UNC13D: variants seen among roughly 807,000 people sequenced by gnomAD.
The protein encoded by UNC13D is protein unc-13 homolog D.
Under a neutral mutation model 151.7 loss-of-function variants are expected in UNC13D, and 115 were observed. That is an observed-to-expected ratio of 0.76 (90% CI 0.65 to 0.88). The LOEUF (loss-of-function observed/expected upper bound fraction) is 0.88. UNC13D is among the 40% of genes least tolerant of loss of function. UNC13D has a pLI of 0.00. For missense variants in UNC13D, 1,369 were observed against 1,438.7 expected (o/e 0.95, Z 0.78); for synonymous variants, 588 against 612.2 (o/e 0.96, Z 0.58).
Position 75,836,333 on chromosome 17 carries a change from C to G in UNC13D, c.1389+6G>C. On this transcript the variant is annotated splice_donor_region_variant and intron_variant, in intron 15 of 31. Coordinates refer to ENST00000207549, the MANE Select transcript of UNC13D (RefSeq NM_199242.3). ...GTCTCCCCCATCCCCAGCGCGAGTACCATACCTGCAGGGCCTCAGTCACCA... is the reference window on the plus strand; with the variant it reads ...GTCTCCCCCATCCCCAGCGCGAGTAGCATACCTGCAGGGCCTCAGTCACCA... 5 of 1,613,894 alleles carry G rather than the reference C, an allele frequency of 3.1e-6. No homozygotes were observed. The highest frequency in any genetic ancestry group is 4.2e-6 in the Non-Finnish European group (5 of 1,180,010).
Position 75,835,788 on chromosome 17 carries a change from A to G in UNC13D, c.1597-11T>C. 6.2e-7 allele frequency: 1 copy of G among 1,613,990 alleles called. No homozygotes were observed. Among genetic ancestry groups the G allele is most frequent in the Non-Finnish European group, 8.5e-7 (1 of 1,180,022 alleles). On this transcript the variant is annotated splice_polypyrimidine_tract_variant and intron_variant, in intron 18 of 31. Coordinates refer to ENST00000207549, the MANE Select transcript of UNC13D (RefSeq NM_199242.3). Reference sequence around the variant, plus strand: ...CACCCGCTTGGCCACCTGCAAAGGAAAGGTGTGGAGGGCGGGGCCCACAGC... The same window carrying G: ...CACCCGCTTGGCCACCTGCAAAGGAGAGGTGTGGAGGGCGGGGCCCACAGC...
chr17:75,840,527 T>G lies in UNC13D; in HGVS notation c.733A>C (p.Asn245His). Residue 245 changes from asparagine (N) to histidine (H), a missense_variant, in exon 9 of 32, where the codon AAC becomes CAC. By Grantham distance (68) the Asn-to-His change is moderately conservative (BLOSUM62 1). This residue lies in a region of UNC13D where 550 missense variants were observed against 609.0 expected (regional missense o/e 0.90). Coordinates refer to ENST00000207549, the MANE Select transcript of UNC13D (RefSeq NM_199242.3). This position sits in a 1 kb window ranked among gnomAD's most constrained non-coding sequence, Gnocchi z 4.6. Reference sequence around the variant, plus strand: ...CTCACCTGCAGCCTCAGAACCACGTTCCCCAGAAAGTCGTCCTGGCCTTTG... The same window carrying G: ...CTCACCTGCAGCCTCAGAACCACGTGCCCCAGAAAGTCGTCCTGGCCTTTG... ...KDKGQDDFLG[N>H]VVLRLQDLRC... 1.2e-6 allele frequency: 2 copies of G among 1,613,926 alleles called. No homozygotes were observed.
At chr17:75,828,141 G>A (rs1454812707) in intron 31 of UNC13D, 55 bp from the exon 32 acceptor site, 2 of 1,550,854 alleles carry the variant, frequency 1.3e-6, no homozygotes, top group African/African-American at 2.7e-5. Flanking sequence ...AGTGCCTGGT[G>A]GTGGCAGAGA....
chr17:75,839,795 G>C (rs776458244), intron 12 of UNC13D, 44 bp downstream of exon 12: 2 of 1,601,484 alleles, frequency 1.2e-6, no homozygotes, highest in African/African-American at 1.3e-5. Context: ...AGGGGGCGTG[G>C]GGGGCTGGTG....
At chr17:75,828,754 C>T in intron 31 of UNC13D, 33 bp downstream of exon 31, 4 of 1,500,234 alleles carry the variant, frequency 2.7e-6, no homozygotes, top group Non-Finnish European at 3.6e-6. Flanking sequence ...AGGCTCCCGT[C>T]CCCGCACCAC....
Position 75,840,739 on chromosome 17 carries a change from C to A in UNC13D, c.683+23G>T. 3.1e-6 allele frequency: 5 copies of A among 1,613,840 alleles called. No individual in the cohort carries two copies. Among genetic ancestry groups the A allele is most frequent in the Non-Finnish European group, 4.2e-6 (5 of 1,180,018 alleles). ...GGGCAAAAGGAGCCCCAACCCCTTC[C>A]CTGTGAGCCCTGCAACACGAACCTG... On this transcript the variant is annotated intron_variant, in intron 8 of 31. Coordinates refer to ENST00000207549, the MANE Select transcript of UNC13D (RefSeq NM_199242.3). This position sits in a 1 kb window ranked among gnomAD's most constrained non-coding sequence, Gnocchi z 4.6.
chr17:75,835,684 T>C lies in UNC13D; in HGVS notation c.1690A>G (p.Lys564Glu). The C allele has an allele frequency of 6.2e-7, 1 of 1,613,448 alleles. No homozygotes were observed. The highest frequency in any genetic ancestry group is 1.1e-5 in the South Asian group (1 of 91,088). ...CTCATGCGCAGCTGGCAGAGCTCCT[T>C]GAGGCTGATGTAGAGCTGGAACAGA... ...ESLFQLYISL[K>E]ELCQLRMSSS... The change falls in exon 19 of 32, where the codon AAG becomes GAG. Residue 564 changes from lysine (K) to glutamate (E), a missense_variant. By Grantham distance (56) the Lys-to-Glu change is moderately conservative. Coordinates refer to ENST00000207549, the MANE Select transcript of UNC13D (RefSeq NM_199242.3).
intron 6 of UNC13D, 197 bp from the exon 7 acceptor site, chr17:75,841,198 T>C (rs1424400759): frequency 3.5e-6 from 2 of 563,882 alleles, no homozygotes; most frequent in Non-Finnish European, 3.0e-6. Context: ...GCTGGAGGAG[T>C]GCAGTGGCAG....
chr17:75,834,626 C>T lies in UNC13D; in HGVS notation c.2083G>A (p.Ala695Thr), dbSNP rs145589230. The T allele has an allele frequency of 1.3e-4, 202 of 1,613,768 alleles. No homozygotes were observed. Among genetic ancestry groups the T allele is most frequent in the Non-Finnish European group, 1.3e-4 (158 of 1,180,044 alleles). Reference protein sequence around the residue: ...SSGQKDQGQAANMLCVVVNDM... With the variant: ...SSGQKDQGQATNMLCVVVNDM... ...CCCAGCTCTGGCCTTACCATGTTGG[C>T]TGCCTGGCCTTGGTCCTTCTGGCCT... Residue 695 changes from alanine (A) to threonine (T), a missense_variant, in exon 22 of 32, where the codon GCC becomes ACC. Ala to Thr is a moderately conservative substitution (Grantham distance 58). Transcript: ENST00000207549.
chr17:75,828,438 T>C (rs1423984096), intron 31 of UNC13D, among the ~76,000 whole-genome samples: 1 of 152,240 alleles, frequency 6.6e-6, no homozygotes, highest in African/African-American at 2.4e-5. Context: ...ATCTGCTTCG[T>C]TGGCTGGAAT....
intron 6 of UNC13D, 80 bp downstream of exon 6, chr17:75,842,353 T>C: frequency 6.5e-7 from 1 of 1,545,850 alleles, no homozygotes; most frequent in South Asian, 1.2e-5. Context: ...CAGGACGACC[T>C]ACTCATCTCA....
rs1287388302 is a variant in UNC13D at position 75,830,359 on chromosome 17, CA to C, written c.2830+2del. The C allele has an allele frequency of 1.3e-6, 2 of 1,593,286 alleles. No individual in the cohort carries two copies. Among genetic ancestry groups the C allele is most frequent in the Admixed American group, 3.5e-5 (2 of 56,816 alleles). The stretch of plus-strand genomic sequence containing the variant: ...AGAGTGGCCAAAGGCAGCCTCCACT[CA>C]CCATTGGAGTCCAGGGGCAGCAGGC... On this transcript the variant is annotated splice_donor_variant, in intron 29 of 31. Coordinates refer to ENST00000207549, the MANE Select transcript of UNC13D (RefSeq NM_199242.3). LOFTEE classifies it high-confidence loss of function.
intron 11 of UNC13D, 24 bp from the exon 12 acceptor site, chr17:75,839,966 G>A (rs772398011): frequency 6.2e-7 from 1 of 1,613,594 alleles, no homozygotes; most frequent in South Asian, 1.1e-5. Context: ...GTGGAGGAGT[G>A]TCAGGACCTG....
chr17:75,838,828 C>T (rs905211418), intron 12 of UNC13D, among the ~76,000 whole-genome samples: 6 of 152,174 alleles, frequency 3.9e-5, no homozygotes, highest in African/African-American at 7.2e-5. Flanking sequence ...AGGCTGGGCG[C>T]GGTGGCACGC....
chr17:75,831,385 C>A (rs2064871759), intron 25 of UNC13D, 37 bp from the exon 26 acceptor site: 1 of 1,582,694 alleles, frequency 6.3e-7, no homozygotes, highest in Non-Finnish European at 8.6e-7. Context: ...CACAGCACGG[C>A]AGGGCGGTGG....
chr17:75,835,557 G>T (rs868331924), intron 19 of UNC13D, 28 bp from the exon 20 acceptor site: 1 of 1,602,712 alleles, frequency 6.2e-7, no homozygotes. Flanking sequence ...TCAGCGTCGG[G>T]AAGGCTGGGG....
rs746314361 is a variant in UNC13D, at chr17:75,836,615, G to C, written c.1255C>G (p.Leu419Val). 6.2e-6 allele frequency: 10 copies of C among 1,613,678 alleles called. No individual in the cohort carries two copies. Among genetic ancestry groups the C allele is most frequent in the African/African-American group, 1.3e-5 (1 of 74,940 alleles). ...LIRRFRSVFP[L>V]SVSDSPARLQ... ...CGGGCTGGGGAGTCCGAGACAGAGAGGGGGAAGACAGAGCGGAACCTCCGG... is the reference window on the plus strand; with the variant it reads ...CGGGCTGGGGAGTCCGAGACAGAGACGGGGAAGACAGAGCGGAACCTCCGG... The change falls in exon 14 of 32, where the codon CTC becomes GTC. Residue 419 changes from leucine (L) to valine (V), a missense_variant. By Grantham distance (32) the Leu-to-Val change is conservative. This residue lies in a region of UNC13D where 550 missense variants were observed against 609.0 expected (regional missense o/e 0.90). Transcript: ENST00000207549.
chr17:75,844,020 G>A, intron 1 of UNC13D: 1 of 1,429,178 alleles, frequency 7.0e-7, no homozygotes, highest in South Asian at 1.5e-5. Flanking sequence ...CACAGGGCCT[G>A]AGGCCCACAG....
rs549768303 is a variant in UNC13D at position 75,835,666 on chromosome 17, G to T, written c.1708C>A (p.Arg570Ser). The T allele has an allele frequency of 6.2e-7, 1 of 1,613,326 alleles. No homozygotes were observed. The highest frequency in any genetic ancestry group is 8.5e-7 in the Non-Finnish European group (1 of 1,180,026). ...GCCCACCTCTCTGAGGAGCTCATGC[G>T]CAGCTGGCAGAGCTCCTTGAGGCTG... ...YISLKELCQL[R>S]MSSSERDGVL... Residue 570 changes from arginine (R) to serine (S), a missense_variant, in exon 19 of 32, where the codon CGC becomes AGC. Transcript: ENST00000207549.
Sources: gnomAD v4.1 joint callset for allele counts (sites outside exome capture counted in the v4.1 genomes callset) on GRCh38, gnomAD v4.1.1 for gene constraint, gnomAD v4.1.1 regional missense constraint, Gnocchi (gnomAD v3.1) non-coding constraint, MANE v1.5 for transcripts, NCBI Gene and HGNC (gene_info 2026-07-23, HGNC 2026-07-21) for gene names.